Variants in JADE1 observed in about 807,000 individuals in gnomAD.
JADE1 encodes the protein jade family PHD finger 1, also known as protein Jade-1.
A neutral mutation model predicts 81.8 loss-of-function variants in JADE1; 14 were observed. The observed-to-expected ratio is 0.17, with a 90% CI of 0.11 to 0.27. The LOEUF is 0.27. Ranked by LOEUF, JADE1 falls within the 10% of genes least tolerant of loss-of-function variation. The probability of loss-of-function intolerance (pLI) is 1.00; values close to 1 mark genes in which losing one functional copy is unlikely to be tolerated. For missense variants in JADE1, 690 were observed against 1,047.9 expected (o/e 0.66, Z 4.71); for synonymous variants, 353 against 391.9 (o/e 0.90, Z 1.17).
chr4:128,858,585 T>A (rs1327291526), intron 8 of JADE1, among the ~76,000 whole-genome samples: 4 of 148,558 alleles, frequency 2.7e-5, no homozygotes, highest in African/African-American at 9.7e-5. Context: ...AAATACTTTT[T>A]GGGAAGGTGG....
intron 9 of JADE1, chr4:128,864,909 C>T (rs564769444): frequency 3.9e-5 from 6 of 152,324 alleles, no homozygotes; most frequent in Admixed American, 2.0e-4. Context: ...CTTGGGAGCA[C>T]ACAACTTTAA....
intron 2 of JADE1, among the ~76,000 whole-genome samples, chr4:128,839,136 G>GCA (rs1186998970): frequency 3.9e-5 from 6 of 152,168 alleles, no homozygotes; most frequent in Admixed American, 1.3e-4. Context: ...TCTGCTGTGT[G>GCA]CACAGCACTG....
chr4:128,843,997 G>A (rs576744146), intron 3 of JADE1, among the ~76,000 whole-genome samples: 98 of 152,218 alleles, frequency 6.4e-4, no homozygotes, highest in Non-Finnish European at 1.2e-3. Context: ...GAGATCAAAT[G>A]TACTTGGGAA....
rs1038884415 is a variant in JADE1 at position 128,874,300 on chromosome 4, A to G, written c.*2038A>G. On this transcript the variant is annotated 3_prime_UTR_variant, in exon 11 of 11. Coordinates refer to ENST00000226319, the MANE Select transcript of JADE1 (RefSeq NM_199320.4). ...TTATAGAGGGATAATTTGTCAAGCC[A>G]TAGAAAGAAAATCTAAATTAATCTA... The G allele has an allele frequency of 6.6e-6, 1 of 152,618 alleles. No individual in the cohort carries two copies. The highest frequency in any genetic ancestry group is 2.4e-5 in the African/African-American group (1 of 41,442). 9.5% of individuals were successfully genotyped at this position (152,618 alleles called of 1,614,324 possible).
At position 128,840,377 on chromosome 4, in the gene JADE1, A is replaced by C. The variant is rs530934568; in HGVS notation, c.53-2576A>C. Among the ~76,000 whole-genome samples the C allele has an allele frequency of 1.1e-4, 17 of 152,294 alleles. No individual in the cohort carries two copies. The East Asian group carries it at 3.1e-3, about 28-fold the overall frequency. ...TCTCCCTACTTCATGTTAATTTTTAAAGTATAGCAGTGGAGTGATTCTCTA... is the reference window on the plus strand; with the variant it reads ...TCTCCCTACTTCATGTTAATTTTTACAGTATAGCAGTGGAGTGATTCTCTA... On this transcript the variant is annotated intron_variant, in intron 2 of 10. Coordinates refer to ENST00000226319, the MANE Select transcript of JADE1 (RefSeq NM_199320.4).
In JADE1 at chr4:128,874,905, A is replaced by C. The variant is rs923831019; in HGVS notation, c.*2643A>C. 13 of 152,536 alleles carry C rather than the reference A, an allele frequency of 8.5e-5. No individual in the cohort carries two copies. Among genetic ancestry groups the C allele is most frequent in the Admixed American group, 2.0e-4 (3 of 15,264 alleles). 9.4% of individuals were successfully genotyped at this position (152,536 alleles called of 1,614,324 possible). On this transcript the variant is annotated 3_prime_UTR_variant, in exon 11 of 11. Coordinates refer to ENST00000226319, the MANE Select transcript of JADE1 (RefSeq NM_199320.4). The stretch of plus-strand genomic sequence containing the variant: ...TGAAGGGTTTTATGTGTTGTGTACA[A>C]ATCTTATTTTGAAATGGACAAACTT...
chr4:128,814,165 A>G (rs1396940875), intron 1 of JADE1, among the ~76,000 whole-genome samples: 1 of 152,204 alleles, frequency 6.6e-6, no homozygotes, highest in Non-Finnish European at 1.5e-5. Flanking sequence ...CAGGGACAGC[A>G]ATGAAAAGTA....
chr4:128,850,386 CT>C, intron 5 of JADE1, among the ~76,000 whole-genome samples: 1 of 151,992 alleles, frequency 6.6e-6, no homozygotes, highest in East Asian at 1.9e-4. Context: ...CCTTTTGCGT[CT>C]TTCCAGGGAA....
At chr4:128,850,512 C>T (rs1402334401) in intron 5 of JADE1, among the ~76,000 whole-genome samples, 1 of 152,154 alleles carries the variant, frequency 6.6e-6, no homozygotes, top group Non-Finnish European at 1.5e-5. Context: ...TCTACTCGCT[C>T]AGTTACTCAA....
intron 1 of JADE1, among the ~76,000 whole-genome samples, chr4:128,812,853 C>A (rs889884538): frequency 1.3e-5 from 2 of 152,188 alleles, no homozygotes; most frequent in African/African-American, 4.8e-5. Flanking sequence ...TTTAAATTTT[C>A]TTTTGTAAAA....
intron 1 of JADE1, among the ~76,000 whole-genome samples, chr4:128,824,275 A>G (rs1478296849): frequency 6.6e-6 from 1 of 151,984 alleles, no homozygotes; most frequent in East Asian, 1.9e-4. Flanking sequence ...AAAAATATAT[A>G]TATATATTAG....
Position 128,862,032 on chromosome 4 carries a change from C to G in JADE1, c.1310C>G (p.Ala437Gly). ...FYTFVNLLDV[A>G]RALRLPEEVV... is the part of the protein sequence containing the mutation. ...ACCTTCGTCAACCTGCTGGATGTTGCCAGGGCTCTGCGGCTGCCTGAGGAA... is the reference window on the plus strand; with the variant it reads ...ACCTTCGTCAACCTGCTGGATGTTGGCAGGGCTCTGCGGCTGCCTGAGGAA... The change falls in exon 9 of 11, where the codon GCC (alanine) becomes GGC (glycine). Residue 437 changes from alanine (A) to glycine (G), a missense_variant. Transcript: ENST00000226319. 6.2e-7 allele frequency: 1 copy of G among 1,614,122 alleles called. No homozygotes were observed. The highest frequency in any genetic ancestry group is 8.5e-7 in the Non-Finnish European group (1 of 1,180,014).
intron 9 of JADE1, 63 bp downstream of exon 9, chr4:128,862,288 C>T (rs772630036): frequency 5.6e-6 from 9 of 1,601,852 alleles, no homozygotes; most frequent in South Asian, 3.3e-5. Flanking sequence ...GGCGAACGCT[C>T]GCCCAGAGCA....
intron 3 of JADE1, 71 bp downstream of exon 3, chr4:128,843,109 A>C (rs192703127): frequency 7.8e-7 from 1 of 1,280,696 alleles, no homozygotes; most frequent in Non-Finnish European, 1.1e-6. Flanking sequence ...AGTGGTATCT[A>C]TTTGTGCAGT....
At chr4:128,826,331 A>G (rs1225980199) in intron 1 of JADE1, among the ~76,000 whole-genome samples, 3 of 151,306 alleles carry the variant, frequency 2.0e-5, no homozygotes, top group African/African-American at 7.3e-5. Flanking sequence ...AGTGTTCCCT[A>G]TACCTACCAT....
chr4:128,826,145 G>A (rs893840473), intron 1 of JADE1, among the ~76,000 whole-genome samples: 1 of 152,316 alleles, frequency 6.6e-6, no homozygotes, highest in South Asian at 2.1e-4. Flanking sequence ...TCCAGGCTCC[G>A]ATAAGCTGGA....
At chr4:128,813,194 C>CAGGTGGAGAA (rs61491716) in intron 1 of JADE1, among the ~76,000 whole-genome samples, 1 of 152,124 alleles carries the variant, frequency 6.6e-6, no homozygotes, top group Non-Finnish European at 1.5e-5. Flanking sequence ...GATTTAATCA[C>CAGGTGGAGAA]AGGTGGAGAA....
intron 1 of JADE1, among the ~76,000 whole-genome samples, chr4:128,825,406 C>T (rs1727968250): frequency 1.3e-5 from 2 of 152,194 alleles, no homozygotes; most frequent in African/African-American, 4.8e-5. Flanking sequence ...TTAGAATCAT[C>T]ACATCAGTCA....
chr4:128,829,423 TAAAC>T (rs1210728368), intron 1 of JADE1, among the ~76,000 whole-genome samples: 14 of 152,288 alleles, frequency 9.2e-5, no homozygotes, highest in Admixed American at 2.6e-4. Context: ...AATCAATTGA[TAAAC>T]AAAAACTTTA....
Sources: allele counts gnomAD v4.1 joint callset (sites outside exome capture counted in the v4.1 genomes callset), GRCh38; gene constraint gnomAD v4.1.1; transcripts MANE v1.5; gene names NCBI Gene and HGNC (gene_info 2026-07-23, HGNC 2026-07-21).